SMG6: variants seen among roughly 807,000 people sequenced by gnomAD.
SMG6 encodes the protein telomerase-binding protein EST1A.
Under a neutral mutation model 142.2 loss-of-function variants are expected in SMG6, and 66 were observed. The observed-to-expected ratio is 0.46, with a 90% CI of 0.38 to 0.57. SMG6 has a LOEUF of 0.57. Among genes scored for constraint, SMG6 ranks in the 20% least tolerant of loss-of-function variants. The pLI, the probability that SMG6 is intolerant of heterozygous loss-of-function variation, is 0.00. For missense variants in SMG6, 1,793 were observed against 1,832.0 expected (o/e 0.98, Z 0.39); for synonymous variants, 779 against 702.4 (o/e 1.11, Z -1.72).
chr17:2,278,043 A>G (rs536949099), intron 8 of SMG6, among the ~76,000 whole-genome samples: 10 of 152,126 alleles, frequency 6.6e-5, no homozygotes, highest in Non-Finnish European at 8.8e-5. Context: ...GGGAGATCCT[A>G]TCTCTCAAAA....
At chr17:2,303,401 G>A (rs1431401236) in intron 1 of SMG6, 4 of 1,248,630 alleles carry the variant, frequency 3.2e-6, no homozygotes, top group African/African-American at 1.6e-5. Context: ...AGAGGGTGGA[G>A]GCAGGAATTC....
chr17:2,277,692 A>G (rs1034936733), intron 8 of SMG6, among the ~76,000 whole-genome samples: 4 of 152,216 alleles, frequency 2.6e-5, no homozygotes, highest in Admixed American at 2.0e-4. Flanking sequence ...TGTTCAAATA[A>G]TAATTTTAAA....
chr17:2,217,576 G>A (rs996939065), intron 10 of SMG6, among the ~76,000 whole-genome samples: 2 of 151,942 alleles, frequency 1.3e-5, no homozygotes, highest in Non-Finnish European at 2.9e-5. Context: ...ACTTCTCTCT[G>A]AACTCTTTAA....
rs181202903 is a variant in SMG6, at chr17:2,188,839, G to A, written c.2870-324C>T. On this transcript the variant is annotated intron_variant, in intron 10 of 18. Coordinates refer to ENST00000263073, the MANE Select transcript of SMG6 (RefSeq NM_017575.5). ...TGCCTACTGATAATGTAAAGCCATC[G>A]TAACAAGAACTCAGATTTAATTAAC... 4.7e-4 allele frequency among the ~76,000 whole-genome samples: 71 copies of A among 152,292 alleles called. 1 individual carries two copies. The East Asian group carries it at 0.013, about 28-fold the overall frequency.
At chr17:2,183,565 T>A (rs992007564) in intron 12 of SMG6, among the ~76,000 whole-genome samples, 2 of 152,312 alleles carry the variant, frequency 1.3e-5, no homozygotes, top group East Asian at 3.9e-4. Context: ...ATAGACACAG[T>A]GTAAACAAGT....
chr17:2,291,317 C>A (rs1161028834), intron 6 of SMG6, among the ~76,000 whole-genome samples: 3 of 149,000 alleles, frequency 2.0e-5, no homozygotes, highest in African/African-American at 5.0e-5. Flanking sequence ...AGCGACAGAG[C>A]GAGACTCCGT....
rs1330717727 is a variant in SMG6 at position 2,248,321 on chromosome 17, TA to T, written c.2662-3603del. ...CTGGTGAGCTGATTCAACCAAGGGC[TA>T]ACGAGGGAATAAGAGCAACTAAGAA... On this transcript the variant is annotated intron_variant, in intron 8 of 18. Transcript: ENST00000263073. Among the ~76,000 whole-genome samples, 3 of 152,260 alleles carry T rather than the reference TA, an allele frequency of 2.0e-5. No individual in the cohort carries two copies. In the East Asian group the frequency reaches 5.8e-4, roughly 29 times the overall value.
At chr17:2,302,182 G>A (rs1020106606) in intron 1 of SMG6, among the ~76,000 whole-genome samples, 6 of 152,138 alleles carry the variant, frequency 3.9e-5, no homozygotes, top group Admixed American at 3.3e-4. Flanking sequence ...GAGCACAGGA[G>A]GGGGAGGCTA....
chr17:2,267,361 A>ATT (rs5818851), intron 8 of SMG6, among the ~76,000 whole-genome samples: 37 of 147,874 alleles, frequency 2.5e-4, no homozygotes, highest in African/African-American at 6.7e-4. Context: ...CACCTGGCTA[A>ATT]TTTTTTTTTT....
At chr17:2,107,320 G>A (rs2069181961) in intron 13 of SMG6, among the ~76,000 whole-genome samples, 2 of 152,168 alleles carry the variant, frequency 1.3e-5, no homozygotes, top group African/African-American at 4.8e-5. Flanking sequence ...AAACACAAAT[G>A]GGGACTGTCA....
Position 2,271,745 on chromosome 17 carries a change from T to C in SMG6, c.2661+10902A>G, listed in dbSNP as rs1440305986. Among the ~76,000 whole-genome samples, 3 of 152,042 alleles carry C rather than the reference T, an allele frequency of 2.0e-5. No homozygotes were observed. The East Asian group carries it at 5.8e-4, about 29-fold the overall frequency. On this transcript the variant is annotated intron_variant, in intron 8 of 18. Transcript: ENST00000263073. ...AAATAAAAATAAAAATAAAAAGCTG[T>C]AAATTTTTTTTAATTAAAAAGAAAA...
At chr17:2,141,593 A>G (rs2151574918) in intron 13 of SMG6, among the ~76,000 whole-genome samples, 1 of 152,000 alleles carries the variant, frequency 6.6e-6, no homozygotes, top group South Asian at 2.1e-4. Context: ...AGGTGTGCAC[A>G]CCATACCCGC....
chr17:2,142,472 C>A (rs1427452511), intron 13 of SMG6, among the ~76,000 whole-genome samples: 1 of 151,650 alleles, frequency 6.6e-6, no homozygotes, highest in Non-Finnish European at 1.5e-5. Context: ...CAGTGAGACC[C>A]TCTCTGTCTG....
intron 10 of SMG6, among the ~76,000 whole-genome samples, chr17:2,221,943 C>G (rs2073181720): frequency 6.6e-6 from 1 of 152,204 alleles, no homozygotes; most frequent in African/African-American, 2.4e-5. Context: ...CCATGTTGGC[C>G]AGGCTGGTCT....
intron 13 of SMG6, among the ~76,000 whole-genome samples, chr17:2,153,979 G>C (rs370464591): frequency 1.1e-3 from 128 of 120,944 alleles, no homozygotes; most frequent in Middle Eastern, 7.0e-3. Flanking sequence ...GGGGATGCAT[G>C]TAGAGTGTGA....
intron 10 of SMG6, 40 bp downstream of exon 10, chr17:2,236,452 T>C (rs2073655862): frequency 6.3e-7 from 1 of 1,583,108 alleles, no homozygotes; most frequent in African/African-American, 1.4e-5. Context: ...TTAATCTCTA[T>C]CTGTCTATAT....
chr17:2,063,813 TGTG>T (rs1235153533), intron 18 of SMG6, among the ~76,000 whole-genome samples: 5 of 152,002 alleles, frequency 3.3e-5, no homozygotes, highest in South Asian at 2.1e-4. Context: ...GGCAAGGGGC[TGTG>T]GTGGGCAGAG....
At position 2,071,427 on chromosome 17, in the gene SMG6, T is replaced by C. The variant is rs2068096673; in HGVS notation, c.3682-2496A>G. ...CTGATGGCAGGACAGAAGAAAAATC[T>C]AGAAGCGAGGTCCAGAGACGCTCTA... is the stretch of plus-strand genomic sequence containing the variant. On this transcript the variant is annotated intron_variant, in intron 15 of 18. Coordinates refer to ENST00000263073, the MANE Select transcript of SMG6 (RefSeq NM_017575.5). This position sits in a 1 kb window ranked among gnomAD's most constrained non-coding sequence, Gnocchi z 5.6. Among the ~76,000 whole-genome samples, 1 of 152,192 alleles carries C rather than the reference T, an allele frequency of 6.6e-6. No individual in the cohort carries two copies. The highest frequency in any genetic ancestry group is 1.5e-5 in the Non-Finnish European group (1 of 68,026).
At chr17:2,076,993 G>A (rs931206285) in intron 15 of SMG6, among the ~76,000 whole-genome samples, 2 of 152,212 alleles carry the variant, frequency 1.3e-5, no homozygotes, top group African/African-American at 4.8e-5. Flanking sequence ...AGGTGCTGCT[G>A]GTCGCTGGAG....
Sources: allele counts gnomAD v4.1 joint callset (sites outside exome capture counted in the v4.1 genomes callset), GRCh38; gene constraint gnomAD v4.1.1; non-coding constraint Gnocchi (gnomAD v3.1); transcripts MANE v1.5; gene names NCBI Gene and HGNC (gene_info 2026-07-23, HGNC 2026-07-21).